The following SCN8A variants were observed in gnomAD, a reference collection of about 807,000 sequenced individuals.
SCN8A encodes sodium voltage-gated channel alpha subunit 8.
Under a neutral mutation model 184.1 loss-of-function variants are expected in SCN8A, and 30 were observed. That is an observed-to-expected ratio of 0.16 (90% CI 0.12 to 0.22). SCN8A has a LOEUF of 0.22. Among genes scored for constraint, SCN8A ranks in the 10% least tolerant of loss-of-function variants. SCN8A has a pLI of 1.00. For synonymous variants in SCN8A, 852 were observed against 907.0 expected (o/e 0.94, Z 1.09); for missense variants, 1,057 against 2,498.9 (o/e 0.42, Z 12.30).
chr12:51,707,376 T>C (rs997403872), intron 11 of SCN8A, among the ~76,000 whole-genome samples: 11 of 152,172 alleles, frequency 7.2e-5, no homozygotes, highest in African/African-American at 2.4e-4. Context: ...CACAGTAGGC[T>C]GTTTGCAAAC....
Position 51,811,487 on chromosome 12 carries a change from G to A in SCN8A, c.*4058G>A, listed in dbSNP as rs1410385159. Reference sequence around the variant, plus strand: ...ACAAAAACAAAAAAACCCTATCCCTGTGCCCCAAAGCTAGGGCATGTGCGA... The same window carrying A: ...ACAAAAACAAAAAAACCCTATCCCTATGCCCCAAAGCTAGGGCATGTGCGA... On this transcript the variant is annotated 3_prime_UTR_variant, in exon 27 of 27. Coordinates refer to ENST00000627620, the MANE Select transcript of SCN8A (RefSeq NM_001330260.2). The A allele has an allele frequency of 6.6e-6, 1 of 152,428 alleles. No homozygotes were observed. Among genetic ancestry groups the A allele is most frequent in the East Asian group, 1.9e-4 (1 of 5,188 alleles). The allele number at this position is 152,428 out of a possible 1,614,324, so 9.4% of individuals were successfully genotyped here.
At chr12:51,700,767 A>T (rs1247027393) in intron 7 of SCN8A, among the ~76,000 whole-genome samples, 1 of 152,234 alleles carries the variant, frequency 6.6e-6, no homozygotes, top group Non-Finnish European at 1.5e-5. Context: ...GAGCTCTAAA[A>T]TATCTTTGAT....
intron 12 of SCN8A, among the ~76,000 whole-genome samples, chr12:51,743,490 A>T (rs1011254070): frequency 9.2e-5 from 14 of 152,206 alleles, no homozygotes; most frequent in African/African-American, 3.4e-4. Flanking sequence ...ATTACGAGAC[A>T]AAGATTTGTT....
At chr12:51,752,790 A>T (rs1012635907) in intron 14 of SCN8A, among the ~76,000 whole-genome samples, 1 of 152,222 alleles carries the variant, frequency 6.6e-6, no homozygotes, top group African/African-American at 2.4e-5. Context: ...CTTGGCCATC[A>T]AGCAGAATTT....
chr12:51,794,807 A>AGG (rs1938363982), intron 26 of SCN8A, among the ~76,000 whole-genome samples, 166 bp downstream of exon 26: 1 of 151,830 alleles, frequency 6.6e-6, no homozygotes, highest in South Asian at 2.1e-4. Flanking sequence ...CCTGCCTAGC[A>AGG]GGTTCCATGG....
Position 51,751,338 on chromosome 12 carries a change from G to C in SCN8A, c.2132-17G>C, listed in dbSNP as rs766584774. 6.3e-7 allele frequency: 1 copy of C among 1,577,776 alleles called. No homozygotes were observed. The highest frequency in any genetic ancestry group is 8.7e-7 in the Non-Finnish European group (1 of 1,150,134). On this transcript the variant is annotated splice_polypyrimidine_tract_variant and intron_variant, in intron 13 of 26. Transcript: ENST00000627620. ...TTGCTGTGATTGAGGGGCCATCTTT[G>C]TTCTTACTTACTGTAGAACTGGAAG...
intron 1 of SCN8A, among the ~76,000 whole-genome samples, chr12:51,596,188 G>A (rs1272549394): frequency 1.3e-5 from 2 of 152,264 alleles, no homozygotes; most frequent in Non-Finnish European, 2.9e-5. Context: ...CACCATTTTA[G>A]GTTTCCCCAC....
chr12:51,690,558 C>T (rs867049610), intron 6 of SCN8A, among the ~76,000 whole-genome samples: 3 of 152,130 alleles, frequency 2.0e-5, no homozygotes, highest in Middle Eastern at 3.4e-3. Flanking sequence ...CAGGGTCTCC[C>T]TATGTGTTGC....
rs775747147 is a variant in SCN8A, at chr12:51,794,657, G to A, written c.4795+16G>A. On this transcript the variant is annotated intron_variant, in intron 26 of 26. Coordinates refer to ENST00000627620, the MANE Select transcript of SCN8A (RefSeq NM_001330260.2). ...TCCATTGTGGGTGAGTGGGGTTGGG[G>A]AAGTAGGCGAGGGGAAAGGGGACCT... is the stretch of plus-strand genomic sequence containing the variant. The A allele has an allele frequency of 4.3e-6, 7 of 1,611,952 alleles. No individual in the cohort carries two copies. In the East Asian group the frequency reaches 1.6e-4, roughly 36 times the overall value.
chr12:51,690,884 C>T lies in SCN8A; in HGVS notation c.706+1788C>T, dbSNP rs148469454. Among the ~76,000 whole-genome samples the T allele has an allele frequency of 3.1e-3, 476 of 152,312 alleles. 4 individuals are homozygous for T. Among genetic ancestry groups the T allele is most frequent in the African/African-American group, 0.011 (451 of 41,568 alleles). On this transcript the variant is annotated intron_variant, in intron 6 of 26. Coordinates refer to ENST00000627620, the MANE Select transcript of SCN8A (RefSeq NM_001330260.2). ...CTATATTTTTAGCGATGGTAGCTGA[C>T]TCCCTATCAACCAAAGGCTGGGTGT...
At chr12:51,773,701 A>C (rs986428244) in intron 19 of SCN8A, among the ~76,000 whole-genome samples, 1 of 152,234 alleles carries the variant, frequency 6.6e-6, no homozygotes, top group Non-Finnish European at 1.5e-5. Context: ...ACCCATACAC[A>C]GATGTTCACA....
intron 12 of SCN8A, chr12:51,723,224 C>CTT (rs2138785966): frequency 6.6e-6 from 1 of 152,378 alleles, no homozygotes; most frequent in South Asian, 2.1e-4. Flanking sequence ...TGGCTCGCAC[C>CTT]TGTAATCCCA....
At chr12:51,780,615 T>A in intron 20 of SCN8A, 34 bp from the exon 21 acceptor site, 2 of 869,340 alleles carry the variant, frequency 2.3e-6, no homozygotes, top group Non-Finnish European at 3.2e-6. Context: ...GGTTACCTTT[T>A]TTGTTTTTGT....
chr12:51,640,649 G>A (rs1217037488), intron 1 of SCN8A, among the ~76,000 whole-genome samples: 2 of 152,156 alleles, frequency 1.3e-5, no homozygotes, highest in Non-Finnish European at 2.9e-5. Context: ...AAAGAGCCCT[G>A]AGTGCTCATT....
chr12:51,619,142 A>G (rs146465146), intron 1 of SCN8A, among the ~76,000 whole-genome samples: 8 of 152,288 alleles, frequency 5.3e-5, no homozygotes, highest in Non-Finnish European at 1.0e-4. Flanking sequence ...TGTACTGTAC[A>G]CACTATTATA....
At chr12:51,757,629 GC>G (rs1341107448) in intron 14 of SCN8A, among the ~76,000 whole-genome samples, 8 of 152,228 alleles carry the variant, frequency 5.3e-5, no homozygotes, top group African/African-American at 1.9e-4. Flanking sequence ...ATGACCACAG[GC>G]TAGTCCAAAC....
intron 1 of SCN8A, among the ~76,000 whole-genome samples, chr12:51,598,502 T>C (rs1392678097): frequency 2.0e-5 from 3 of 152,066 alleles, no homozygotes; most frequent in Non-Finnish European, 4.4e-5. Context: ...TCTTGCTTTA[T>C]GGAAAAAAAT....
At chr12:51,652,282 G>T (rs1940732737) in intron 1 of SCN8A, among the ~76,000 whole-genome samples, 1 of 151,914 alleles carries the variant, frequency 6.6e-6, no homozygotes. Flanking sequence ...CAACAAAACT[G>T]TCCAGTACAT....
intron 7 of SCN8A, 53 bp downstream of exon 7, chr12:51,699,844 C>A: frequency 6.7e-7 from 1 of 1,483,742 alleles, no homozygotes; most frequent in Non-Finnish European, 9.3e-7. Context: ...TCCTAGTTCA[C>A]ATGGTCAGAA....
Sources: allele counts gnomAD v4.1 joint callset (sites outside exome capture counted in the v4.1 genomes callset), GRCh38; gene constraint gnomAD v4.1.1; transcripts MANE v1.5; gene names NCBI Gene and HGNC (gene_info 2026-07-23, HGNC 2026-07-21).